IKBIP: variants seen among roughly 807,000 people sequenced by gnomAD.
The protein encoded by IKBIP is inhibitor of nuclear factor kappa-B kinase-interacting protein.
In IKBIP, 28 loss-of-function variants were observed where a neutral mutation model predicts 31.0. The observed-to-expected ratio is 0.90, with a 90% CI of 0.67 to 1.24. The LOEUF (loss-of-function observed/expected upper bound fraction) is 1.24, where lower values mean the gene tolerates loss of function less well. Among genes scored for constraint, IKBIP ranks in the 50% most tolerant of loss-of-function variants. IKBIP has a pLI of 0.00. For synonymous variants in IKBIP, 164 were observed against 160.3 expected, an observed-to-expected ratio of 1.02 and a Z score of -0.17; for missense variants, 453 against 441.9, an observed-to-expected ratio of 1.03 and a Z score of -0.23.
At chr12:98,618,883 A>T (rs1312533107) in intron 2 of IKBIP, among the ~76,000 whole-genome samples, 1 of 152,242 alleles carries the variant, frequency 6.6e-6, no homozygotes, top group Admixed American at 6.5e-5. Context: ...TTTTGAGGGC[A>T]GCTTTAAAAA....
intron 2 of IKBIP, among the ~76,000 whole-genome samples, chr12:98,628,148 C>T (rs572592547): frequency 6.6e-6 from 1 of 152,170 alleles, no homozygotes; most frequent in African/African-American, 2.4e-5. Context: ...TAATACTGAA[C>T]AAGATACAAA....
chr12:98,634,246 T>C (rs758261575), intron 2 of IKBIP, 50 bp downstream of exon 2: 3 of 841,002 alleles, frequency 3.6e-6, no homozygotes, highest in Non-Finnish European at 6.1e-6. Flanking sequence ...GAAATGATAG[T>C]GGGGTAGTAA....
chr12:98,614,582 C>T (rs1163725158), intron 2 of IKBIP, among the ~76,000 whole-genome samples: 4 of 151,874 alleles, frequency 2.6e-5, no homozygotes, highest in Non-Finnish European at 4.4e-5. Context: ...CCGCCCCCAC[C>T]TCAGCTAACT....
chr12:98,637,572 C>G (rs2097626880), intron 1 of IKBIP, among the ~76,000 whole-genome samples: 1 of 152,018 alleles, frequency 6.6e-6, no homozygotes, highest in Non-Finnish European at 1.5e-5. Context: ...ACACACCCAG[C>G]TAATTTTTGT....
intron 1 of IKBIP, among the ~76,000 whole-genome samples, chr12:98,637,403 ATTTT>A (rs1405783119): frequency 1.3e-5 from 2 of 150,506 alleles, no homozygotes; most frequent in Non-Finnish European, 3.0e-5. Flanking sequence ...AAGATGATTG[ATTTT>A]TCTTTCTTTT....
chr12:98,632,271 C>A (rs1215693882), intron 2 of IKBIP, among the ~76,000 whole-genome samples: 2 of 151,004 alleles, frequency 1.3e-5, no homozygotes, highest in African/African-American at 4.9e-5. Context: ...GAGTTTGATA[C>A]CAGCCTGGGC....
At chr12:98,631,253 A>C (rs1033005969) in intron 2 of IKBIP, among the ~76,000 whole-genome samples, 5 of 147,296 alleles carry the variant, frequency 3.4e-5, no homozygotes, top group Non-Finnish European at 7.5e-5. Flanking sequence ...TATTTTTTGG[A>C]TTCTATAATG....
At chr12:98,637,441 A>C (rs1248135257) in intron 1 of IKBIP, among the ~76,000 whole-genome samples, 1 of 152,112 alleles carries the variant, frequency 6.6e-6, no homozygotes, top group Non-Finnish European at 1.5e-5. Context: ...ATGGAGTCTC[A>C]CTCTGTCACC....
At chr12:98,621,835 T>C (rs2097610385), downstream of IKBIP, among the ~76,000 whole-genome samples, 1 of 152,182 alleles carries the variant, frequency 6.6e-6, no homozygotes, top group Non-Finnish European at 1.5e-5. Context: ...CCCAGCACTT[T>C]GGGAGGCTGA....
At chr12:98,615,774 A>T (rs2097605943) in intron 2 of IKBIP, among the ~76,000 whole-genome samples, 1 of 151,922 alleles carries the variant, frequency 6.6e-6, no homozygotes. Context: ...TGCCTGGTTC[A>T]TTCCACTTAG....
Position 98,644,608 on chromosome 12 carries a change from C to A in IKBIP, c.94G>T (p.Ala32Ser), listed in dbSNP as rs1471015149. 1 of 1,610,104 alleles carries A rather than the reference C, an allele frequency of 6.2e-7. No individual in the cohort carries two copies. The highest frequency in any genetic ancestry group is 8.5e-7 in the Non-Finnish European group (1 of 1,178,844). ...CAGCCCCCGCCTCCGCTGCTCCGGG[C>A]CACGGGGGTCTTCCCGCCCTCGCTC... ...KRSEGGKTPVARSSGGGGWAD... is the reference protein window; with the variant it reads ...KRSEGGKTPVSRSSGGGGWAD... Residue 32 changes from alanine (A) to serine (S), a missense_variant, in exon 1 of 3, where the codon GCC becomes TCC. By Grantham distance (99) the Ala-to-Ser change is moderately conservative (BLOSUM62 1). Transcript: ENST00000299157.
intron 2 of IKBIP, 150 bp from the exon 3 acceptor site, chr12:98,626,916 A>T: frequency 1.7e-6 from 1 of 575,478 alleles, no homozygotes; most frequent in Non-Finnish European, 3.0e-6. Context: ...AGACTGACAA[A>T]GATATTTATT....
At chr12:98,641,908 GT>G (rs1281271461) in intron 1 of IKBIP, among the ~76,000 whole-genome samples, 1 of 152,176 alleles carries the variant, frequency 6.6e-6, no homozygotes, top group Non-Finnish European at 1.5e-5. Flanking sequence ...TCTCGCCTCA[GT>G]TTCCCAAAGT....
At chr12:98,627,248 C>T (rs555278438) in intron 2 of IKBIP, among the ~76,000 whole-genome samples, 1 of 148,906 alleles carries the variant, frequency 6.7e-6, no homozygotes, top group Non-Finnish European at 1.5e-5. Flanking sequence ...GAATTACAGG[C>T]GAGAGCTGCC....
intron 1 of IKBIP, among the ~76,000 whole-genome samples, chr12:98,640,166 G>A (rs764019749): frequency 4.3e-4 from 66 of 152,210 alleles, no homozygotes; most frequent in Non-Finnish European, 8.5e-4. Flanking sequence ...GCCAGGCACG[G>A]TGGCTCACGC....
chr12:98,623,560 CTT>C (rs35433597), downstream of IKBIP, among the ~76,000 whole-genome samples: 264 of 64,246 alleles, frequency 4.1e-3, 3 homozygotes, highest in African/African-American at 0.017. Flanking sequence ...CCTCCTTACA[CTT>C]TTTTTTTTTT....
chr12:98,620,568 T>C (rs533492551), downstream of IKBIP, among the ~76,000 whole-genome samples: 20 of 151,976 alleles, frequency 1.3e-4, no homozygotes, highest in Non-Finnish European at 2.5e-4. Flanking sequence ...GGTTTCACCA[T>C]GTTGGCCAGG....
At position 98,624,718 on chromosome 12, in the gene IKBIP, G is replaced by A. The variant is rs1007603916; in HGVS notation, c.*1212C>T. The A allele has an allele frequency of 1.6e-4, 144 of 894,856 alleles. No homozygotes were observed. Among genetic ancestry groups the A allele is most frequent in the Admixed American group, 6.2e-5 (1 of 16,148 alleles). The allele number at this position is 894,856 out of a possible 1,614,324, so 55.4% of individuals were successfully genotyped here. ...TGGTTTGGGAAATCTTTAAAATGAC[G>A]TATTTTTAACTATCATAGTTATTAT... On this transcript the variant is annotated 3_prime_UTR_variant, in exon 3 of 3. Transcript: ENST00000299157.
rs150193341 is a variant in IKBIP, at chr12:98,615,736, T to C, written c.298-1396A>G. ...TGACTTTTCTAGATTCCACATATAATTGAGATCATGCAGTATTTGTCTTTC... is the reference window on the plus strand; with the variant it reads ...TGACTTTTCTAGATTCCACATATAACTGAGATCATGCAGTATTTGTCTTTC... On this transcript the variant is annotated intron_variant, in intron 2 of 2. Transcript: ENST00000342502. 1.3e-4 allele frequency among the ~76,000 whole-genome samples: 20 copies of C among 152,178 alleles called. No homozygotes were observed. The East Asian group carries it at 3.7e-3, about 28-fold the overall frequency.
Sources: gnomAD v4.1 joint callset for allele counts (sites outside exome capture counted in the v4.1 genomes callset) on GRCh38, gnomAD v4.1.1 for gene constraint, MANE v1.5 for transcripts, NCBI Gene and HGNC (gene_info 2026-07-23, HGNC 2026-07-21) for gene names.